The following REDIC1 variants were observed in gnomAD, a reference collection of about 807,000 sequenced individuals.
REDIC1 encodes the protein HEI10 Interacting Protein 1.
chr12:39,634,935 T>A, the REDIC1 span, among the ~76,000 whole-genome samples: 2 of 151,180 alleles, frequency 1.3e-5, no homozygotes, highest in Non-Finnish European at 3.0e-5. Flanking sequence ...TAAACAAATT[T>A]ACAAGAAAAA....
the REDIC1 span, among the ~76,000 whole-genome samples, chr12:39,711,627 GTATGTGTA>G: frequency 5.8e-3 from 278 of 47,876 alleles, 3 homozygotes; most frequent in East Asian, 0.12. Flanking sequence ...GTGTATACAC[GTATGTGTA>G]TATGTGTATA....
At chr12:39,827,376 T>A in the REDIC1 span, among the ~76,000 whole-genome samples, 104,400 of 151,944 alleles carry the variant, frequency 0.69, 36,359 homozygotes, top group African/African-American at 0.79. Context: ...TCTAGCCAGA[T>A]TTTTTCTTGT....
the REDIC1 span, among the ~76,000 whole-genome samples, chr12:39,857,759 G>T: frequency 6.6e-6 from 1 of 152,124 alleles, no homozygotes; most frequent in African/African-American, 2.4e-5. Flanking sequence ...AGTTTATTTT[G>T]GTGCCATTCT....
At chr12:39,828,832 A>T in the REDIC1 span, among the ~76,000 whole-genome samples, 1 of 152,100 alleles carries the variant, frequency 6.6e-6, no homozygotes, top group Non-Finnish European at 1.5e-5. Context: ...AGAACTATAA[A>T]CTGAGTATTT....
At chr12:39,730,066 T>A in the REDIC1 span, among the ~76,000 whole-genome samples, 3 of 152,214 alleles carry the variant, frequency 2.0e-5, no homozygotes, top group African/African-American at 7.2e-5. Context: ...GCAGGTGGGA[T>A]CAGTCTCCTG....
the REDIC1 span, among the ~76,000 whole-genome samples, chr12:39,735,578 A>G: frequency 2.6e-5 from 4 of 152,222 alleles, no homozygotes; most frequent in African/African-American, 9.6e-5. Context: ...TTCTCATTGT[A>G]GTTTCTTCAG....
chr12:39,830,375 TGC>T, the REDIC1 span: 1 of 1,415,346 alleles, frequency 7.1e-7, no homozygotes, highest in Non-Finnish European at 9.2e-7. Flanking sequence ...GAAAGTGACA[TGC>T]GCTGAGCCAG....
the REDIC1 span, among the ~76,000 whole-genome samples, chr12:39,709,079 C>G: frequency 3.3e-5 from 5 of 151,746 alleles, no homozygotes; most frequent in Non-Finnish European, 7.4e-5. Flanking sequence ...CCGAAGTTTT[C>G]CTCACATAGA....
the REDIC1 span, among the ~76,000 whole-genome samples, chr12:39,812,247 C>T: frequency 1.3e-5 from 2 of 152,100 alleles, no homozygotes; most frequent in East Asian, 3.9e-4. Flanking sequence ...TATAAAGGCA[C>T]TTATCCCATT....
chr12:39,744,451 CAAAT>C, the REDIC1 span, among the ~76,000 whole-genome samples: 54 of 152,214 alleles, frequency 3.5e-4, no homozygotes, highest in Non-Finnish European at 6.2e-4. Context: ...ATTGATCTAA[CAAAT>C]AACAGTTATA....
chr12:39,796,807 T>C, the REDIC1 span, among the ~76,000 whole-genome samples: 1 of 152,200 alleles, frequency 6.6e-6, no homozygotes, highest in South Asian at 2.1e-4. Flanking sequence ...TCCTGCTAGA[T>C]GGTTTTGTAC....
chr12:39,774,098 G>T, the REDIC1 span, among the ~76,000 whole-genome samples: 1 of 152,086 alleles, frequency 6.6e-6, no homozygotes. Context: ...AACCCTAATA[G>T]TTCTTTATTG....
chr12:39,785,087 T>C, the REDIC1 span, among the ~76,000 whole-genome samples: 1 of 152,172 alleles, frequency 6.6e-6, no homozygotes, highest in Non-Finnish European at 1.5e-5. Context: ...CTGCAGAAAT[T>C]TGCATAAGTA....
chr12:39,730,490 C>A, the REDIC1 span, among the ~76,000 whole-genome samples: 1 of 152,168 alleles, frequency 6.6e-6, no homozygotes. Flanking sequence ...TGGCCCCCAA[C>A]TTTCTTCTGG....
At chr12:39,685,413 AG>A in the REDIC1 span, among the ~76,000 whole-genome samples, 1 of 152,082 alleles carries the variant, frequency 6.6e-6, no homozygotes, top group Non-Finnish European at 1.5e-5. Context: ...AGCAAGAGAG[AG>A]TGAGTAGGGA....
chr12:39,876,200 C>T, the REDIC1 span, among the ~76,000 whole-genome samples: 2 of 152,124 alleles, frequency 1.3e-5, no homozygotes, highest in African/African-American at 2.4e-5. Flanking sequence ...CGGAAATCTA[C>T]GTGCATTGCT....
At chr12:39,898,724 C>T in the REDIC1 span, among the ~76,000 whole-genome samples, 1 of 152,096 alleles carries the variant, frequency 6.6e-6, no homozygotes, top group Admixed American at 6.6e-5. Flanking sequence ...CAATCTGGGG[C>T]ATGTGTTCAT....
At chr12:39,794,138 A>C in the REDIC1 span, among the ~76,000 whole-genome samples, 1 of 151,272 alleles carries the variant, frequency 6.6e-6, no homozygotes, top group African/African-American at 2.4e-5. Flanking sequence ...AAAAAAAAAA[A>C]AAAAAAAAAA....
chr12:39,747,993 T>G, the REDIC1 span, among the ~76,000 whole-genome samples: 3 of 152,290 alleles, frequency 2.0e-5, no homozygotes, highest in South Asian at 4.2e-4. Flanking sequence ...GTAAAGACCA[T>G]TGAGGCTAGG....
Sources: allele counts gnomAD v4.1 joint callset (sites outside exome capture counted in the v4.1 genomes callset), GRCh38; gene constraint gnomAD v4.1.1; transcripts MANE v1.5; gene names NCBI Gene and HGNC (gene_info 2026-07-23, HGNC 2026-07-21).